Variants in ZNF385D observed in about 807,000 individuals in gnomAD.
ZNF385D encodes the protein zinc finger protein 659.
Under a neutral mutation model 35.8 loss-of-function variants are expected in ZNF385D, and 15 were observed. The ratio of observed to expected loss-of-function variants is 0.42; its 90% CI spans 0.28 to 0.64. The LOEUF is 0.64. Ranked by LOEUF, ZNF385D falls within the 30% of genes least tolerant of loss-of-function variation. The pLI, the probability that ZNF385D is intolerant of heterozygous loss-of-function variation, is 0.23. For missense variants in ZNF385D, 474 were observed against 494.6 expected, an observed-to-expected ratio of 0.96 and a Z score of 0.39; for synonymous variants, 212 against 186.8, an observed-to-expected ratio of 1.13 and a Z score of -1.10.
At chr3:21,682,908 C>A (rs1174692172) in intron 1 of ZNF385D, among the ~76,000 whole-genome samples, 1 of 149,812 alleles carries the variant, frequency 6.7e-6, no homozygotes, top group Non-Finnish European at 1.5e-5. Flanking sequence ...TAGTCATCAG[C>A]CAGATTTGGT....
rs746138066 is a variant in ZNF385D, at chr3:21,602,517, CTTTTTTTTT to C, written c.166-37842_166-37834del. 2.3e-3 allele frequency among the ~76,000 whole-genome samples: 145 copies of C among 62,718 alleles called. 3 individuals carry two copies. Among genetic ancestry groups the C allele is most frequent in the East Asian group, 0.014 (16 of 1,106 alleles). 41.1% of individuals were successfully genotyped at this position (62,718 alleles called of 152,430 possible). A position where few individuals can be genotyped will look rare whatever the true frequency, so the allele number is the denominator to read the frequency against. On this transcript the variant is annotated intron_variant, in intron 2 of 7. Coordinates refer to ENST00000281523, the MANE Select transcript of ZNF385D (RefSeq NM_024697.3). ...TAGGTCTCCTGTTTCCCTGCATTTT[CTTTTTTTTT>C]TTTTTTTTTTTTTTTTTGAGACGGA...
intron 2 of ZNF385D, among the ~76,000 whole-genome samples, chr3:22,180,049 T>A (rs893361504): frequency 1.3e-5 from 2 of 151,538 alleles, no homozygotes; most frequent in African/African-American, 4.9e-5. Flanking sequence ...GCAAGACTAA[T>A]AAAGAAGAAA....
At chr3:21,441,375 G>A (rs185326468) in intron 4 of ZNF385D, among the ~76,000 whole-genome samples, 1 of 152,254 alleles carries the variant, frequency 6.6e-6, no homozygotes, top group African/African-American at 2.4e-5. Context: ...GGAGAAATTT[G>A]GGAACTTGCC....
intron 1 of ZNF385D, among the ~76,000 whole-genome samples, chr3:21,731,240 T>C (rs12489353): frequency 0.19 from 29,665 of 152,176 alleles, 2,981 homozygotes; most frequent in Middle Eastern, 0.34. Flanking sequence ...CTAGATATAG[T>C]CTATTATTTT....
intron 3 of ZNF385D, among the ~76,000 whole-genome samples, chr3:22,033,697 T>C (rs1162853609): frequency 6.6e-6 from 1 of 152,124 alleles, no homozygotes; most frequent in East Asian, 1.9e-4. Flanking sequence ...ATGTCTACTA[T>C]ATTCCTTGAA....
chr3:22,003,527 A>G (rs1259890457), intron 3 of ZNF385D, among the ~76,000 whole-genome samples: 1 of 152,196 alleles, frequency 6.6e-6, no homozygotes, highest in African/African-American at 2.4e-5. Context: ...ACTCAATGCA[A>G]TCTTTTTCAA....
At chr3:21,819,458 AT>A (rs938402688) in intron 3 of ZNF385D, among the ~76,000 whole-genome samples, 4 of 151,318 alleles carry the variant, frequency 2.6e-5, no homozygotes, top group Non-Finnish European at 4.4e-5. Context: ...TACAAAAAAA[AT>A]CTAGGGCTGT....
At chr3:21,794,425 G>C (rs1427352650) in intron 3 of ZNF385D, among the ~76,000 whole-genome samples, 1 of 152,030 alleles carries the variant, frequency 6.6e-6, no homozygotes, top group Non-Finnish European at 1.5e-5. Flanking sequence ...GGATTAGAAA[G>C]TTTCTGAAAC....
intron 2 of ZNF385D, among the ~76,000 whole-genome samples, chr3:22,278,007 G>T (rs1023333146): frequency 6.6e-6 from 1 of 151,988 alleles, no homozygotes; most frequent in East Asian, 1.9e-4. Context: ...TACTTTCAGT[G>T]CTCTCCCTTG....
chr3:22,152,478 G>A (rs929007483), intron 3 of ZNF385D, among the ~76,000 whole-genome samples: 1 of 152,146 alleles, frequency 6.6e-6, no homozygotes, highest in South Asian at 2.1e-4. Flanking sequence ...AAATCAAGGT[G>A]TTGGAAGGTC....
chr3:22,093,563 T>G (rs187778891), intron 3 of ZNF385D, among the ~76,000 whole-genome samples: 3 of 152,102 alleles, frequency 2.0e-5, no homozygotes, highest in African/African-American at 7.2e-5. Context: ...GAGGATTATG[T>G]GGTTTAAATT....
chr3:22,094,410 A>ATATATATATATATATATATATATATAT (rs1386186822), intron 3 of ZNF385D, among the ~76,000 whole-genome samples: 9 of 83,466 alleles, frequency 1.1e-4, no homozygotes, highest in African/African-American at 2.8e-4. Flanking sequence ...ATATATATAT[A>ATATATATATATATATATATATATATAT]AAGGCATTTG....
chr3:21,988,279 T>C, intron 3 of ZNF385D, among the ~76,000 whole-genome samples: 1 of 120,580 alleles, frequency 8.3e-6, no homozygotes, highest in Admixed American at 7.8e-5. Flanking sequence ...TCTGTTCTGT[T>C]TTTTCCCCAT....
In ZNF385D at chr3:22,227,186, C is replaced by T. The variant is rs1006269054; in HGVS notation, c.107-58151G>A. Among the ~76,000 whole-genome samples, 7 of 150,490 alleles carry T rather than the reference C, an allele frequency of 4.7e-5. No individual in the cohort carries two copies. In the East Asian group the frequency reaches 5.9e-4, roughly 13 times the overall value. ...TGTGTATATATATGTGTATGTGGGG[C>T]GGGGGGGGTGTAGGTGCTTGTCATC... On this transcript the variant is annotated intron_variant, in intron 2 of 5. Transcript: ENST00000494108.
intron 4 of ZNF385D, among the ~76,000 whole-genome samples, chr3:21,448,451 A>G (rs1433029428): frequency 6.6e-6 from 1 of 152,154 alleles, no homozygotes; most frequent in Non-Finnish European, 1.5e-5. Context: ...CACATAACAC[A>G]ATGATTTCTT....
chr3:22,014,803 A>G (rs1292597248), intron 3 of ZNF385D, among the ~76,000 whole-genome samples: 1 of 152,004 alleles, frequency 6.6e-6, no homozygotes. Context: ...AAAATGCACA[A>G]TACAATAAAT....
At chr3:21,852,676 G>A (rs1696456030) in intron 3 of ZNF385D, among the ~76,000 whole-genome samples, 1 of 151,872 alleles carries the variant, frequency 6.6e-6, no homozygotes, top group Admixed American at 6.6e-5. Flanking sequence ...AGATGATTAT[G>A]TCATTACTAA....
intron 3 of ZNF385D, among the ~76,000 whole-genome samples, chr3:22,132,054 A>G (rs150678295): frequency 6.6e-6 from 1 of 152,150 alleles, no homozygotes; most frequent in African/African-American, 2.4e-5. Flanking sequence ...TCATCAATTG[A>G]TAAAGAGGAA....
intron 3 of ZNF385D, among the ~76,000 whole-genome samples, chr3:21,559,843 G>T (rs1378834864): frequency 6.6e-6 from 1 of 152,126 alleles, no homozygotes; most frequent in East Asian, 1.9e-4. Flanking sequence ...ATATTTCTTG[G>T]AGGCTTTGTT....
Sources: allele counts gnomAD v4.1 joint callset (sites outside exome capture counted in the v4.1 genomes callset), GRCh38; gene constraint gnomAD v4.1.1; transcripts MANE v1.5; gene names NCBI Gene and HGNC (gene_info 2026-07-23, HGNC 2026-07-21).